Variants in SVBP observed in about 807,000 individuals in gnomAD.
SVBP encodes small vasohibin-binding protein.
SVBP carries 9 observed loss-of-function variants against 9.2 expected under a neutral mutation model. The observed-to-expected ratio is 0.98, with a 90% CI of 0.59 to 1.71. The LOEUF is 1.71. Ranked by LOEUF, SVBP falls within the 40% of genes most tolerant of loss-of-function variation. The probability of loss-of-function intolerance (pLI) is 0.00; values close to 1 mark genes in which losing one functional copy is unlikely to be tolerated. For missense variants in SVBP, 63 were observed against 73.2 expected, an observed-to-expected ratio of 0.86 and a Z score of 0.51; for synonymous variants, 27 against 23.9, an observed-to-expected ratio of 1.13 and a Z score of -0.37.
At position 42,807,193 on chromosome 1, in the gene SVBP, A is replaced by C; in HGVS notation, c.*221T>G. Reference sequence around the variant, plus strand: ...TTAAAAAAACCCAAAAAACAAAACCACTGTCTTAGAAGAAGAAAACAAGTC... The same window carrying C: ...TTAAAAAAACCCAAAAAACAAAACCCCTGTCTTAGAAGAAGAAAACAAGTC... On this transcript the variant is annotated 3_prime_UTR_variant, in exon 3 of 3. Transcript: ENST00000372521. 5.7e-6 allele frequency: 2 copies of C among 352,766 alleles called. No individual in the cohort carries two copies. Among genetic ancestry groups the C allele is most frequent in the Non-Finnish European group, 5.0e-6 (1 of 199,124 alleles). The allele number at this position is 352,766 out of a possible 1,614,324, so 21.9% of individuals were successfully genotyped here.
At chr1:42,810,688 G>A (rs999043493) in intron 2 of SVBP, among the ~76,000 whole-genome samples, 2 of 152,006 alleles carry the variant, frequency 1.3e-5, no homozygotes, top group African/African-American at 4.8e-5. Context: ...AGTGTCAAAC[G>A]GTGCTTCCAC....
At chr1:42,810,094 TAACACA>T (rs1334758957) in intron 2 of SVBP, among the ~76,000 whole-genome samples, 1 of 97,086 alleles carries the variant, frequency 1.0e-5, no homozygotes, top group Non-Finnish European at 2.2e-5. Flanking sequence ...AATATACTTT[TAACACA>T]CACACACACA....
chr1:42,810,259 T>C (rs1338805937), intron 2 of SVBP, among the ~76,000 whole-genome samples: 1 of 152,100 alleles, frequency 6.6e-6, no homozygotes. Context: ...GCAATTCCCT[T>C]GCCTCAGCCT....
At chr1:42,815,224 G>C (rs1312227658) in intron 2 of SVBP, among the ~76,000 whole-genome samples, 4 of 118,260 alleles carry the variant, frequency 3.4e-5, no homozygotes, top group Non-Finnish European at 6.7e-5. Flanking sequence ...GTTGTGGGGT[G>C]GGGGGAGGGG....
intron 2 of SVBP, among the ~76,000 whole-genome samples, chr1:42,809,414 A>G (rs954533931): frequency 6.6e-6 from 1 of 152,186 alleles, no homozygotes. Context: ...AGACTGCCAG[A>G]TGGTTCCTTG....
intron 2 of SVBP, among the ~76,000 whole-genome samples, chr1:42,808,770 C>A (rs1327205226): frequency 6.6e-6 from 1 of 151,962 alleles, no homozygotes; most frequent in Non-Finnish European, 1.5e-5. Context: ...GATCTCAGCT[C>A]ACTGCAACCT....
Position 42,807,386 on chromosome 1 carries a change from G to C in SVBP, c.*28C>G. On this transcript the variant is annotated 3_prime_UTR_variant, in exon 3 of 3. Coordinates refer to ENST00000372521, the MANE Select transcript of SVBP (RefSeq NM_199342.4). ...TGGCAACACCCTCTCAAAGCTCTCA[G>C]GATCCCATCTGGTTTGAACCTGGGG... The C allele has an allele frequency of 6.4e-7, 1 of 1,573,724 alleles. No homozygotes were observed. The highest frequency in any genetic ancestry group is 8.7e-7 in the Non-Finnish European group (1 of 1,143,732).
At chr1:42,807,916 G>T (rs1557597248) in intron 2 of SVBP, among the ~76,000 whole-genome samples, 1 of 151,844 alleles carries the variant, frequency 6.6e-6, no homozygotes. Flanking sequence ...GGTGGGGGAG[G>T]CTTTATGTGT....
intron 2 of SVBP, among the ~76,000 whole-genome samples, chr1:42,808,376 T>C (rs1029594466): frequency 2.8e-5 from 4 of 144,614 alleles, no homozygotes; most frequent in Middle Eastern, 7.2e-3. Flanking sequence ...ATATACTATA[T>C]AGTATATATA....
In SVBP at chr1:42,807,279, C is replaced by A. The variant is rs949738111; in HGVS notation, c.*135G>T. 23 of 558,588 alleles carry A rather than the reference C, an allele frequency of 4.1e-5. No homozygotes were observed. Among genetic ancestry groups the A allele is most frequent in the Admixed American group, 2.0e-4 (7 of 34,568 alleles). 34.6% of individuals were successfully genotyped at this position (558,588 alleles called of 1,614,324 possible). On this transcript the variant is annotated 3_prime_UTR_variant, in exon 3 of 3. Transcript: ENST00000372521. ...AACCAGTGAAGTTAGAAGTTACACA[C>A]AGGAAGTGAGTTCAGATTTATCCAC...
chr1:42,813,903 G>A, intron 2 of SVBP: 1 of 222,226 alleles, frequency 4.5e-6, no homozygotes, highest in Non-Finnish European at 9.3e-6. Context: ...CAGGGGGTCT[G>A]CCTTAACCCA....
At chr1:42,815,295 C>A (rs1654174304) in intron 2 of SVBP, among the ~76,000 whole-genome samples, 1 of 149,852 alleles carries the variant, frequency 6.7e-6, no homozygotes, top group Non-Finnish European at 1.5e-5. Context: ...TGCAGCACAC[C>A]AACATGGCAC....
intron 1 of SVBP, 125 bp downstream of exon 1, chr1:42,817,065 G>GC (rs1356648517): frequency 2.2e-4 from 35 of 162,092 alleles, no homozygotes; most frequent in Non-Finnish European, 2.9e-4. Flanking sequence ...CCACCGCCCG[G>GC]CCCCCCGACC....
intron 2 of SVBP, among the ~76,000 whole-genome samples, chr1:42,814,891 C>A (rs918241483): frequency 1.3e-5 from 2 of 151,760 alleles, no homozygotes; most frequent in Non-Finnish European, 2.9e-5. Flanking sequence ...GGATTATAAA[C>A]CATGCTGCTA....
intron 2 of SVBP, among the ~76,000 whole-genome samples, chr1:42,808,143 G>GATA (rs1654001496): frequency 2.2e-5 from 1 of 44,656 alleles, no homozygotes; most frequent in Non-Finnish European, 4.1e-5. Flanking sequence ...TAGTGTGTGT[G>GATA]TGTGTGTATA....
At chr1:42,813,288 T>C (rs375609832) in intron 2 of SVBP, 1 of 285,182 alleles carries the variant, frequency 3.5e-6, no homozygotes, top group Non-Finnish European at 7.1e-6. Flanking sequence ...TGCTCTTTTA[T>C]AGCATGAAAG....
intron 2 of SVBP, among the ~76,000 whole-genome samples, chr1:42,812,735 C>G (rs760975684): frequency 1.3e-5 from 2 of 151,978 alleles, no homozygotes; most frequent in Non-Finnish European, 2.9e-5. Flanking sequence ...ATTTTAAAAC[C>G]TTTTAGTATG....
At chr1:42,814,458 A>G (rs750404899) in intron 2 of SVBP, among the ~76,000 whole-genome samples, 1 of 151,922 alleles carries the variant, frequency 6.6e-6, no homozygotes, top group Non-Finnish European at 1.5e-5. Flanking sequence ...CTATAATCCC[A>G]GCACTTTGGG....
At chr1:42,807,628 T>G in intron 2 of SVBP, 128 bp from the exon 3 acceptor site, 1 of 673,126 alleles carries the variant, frequency 1.5e-6, no homozygotes, top group Non-Finnish European at 2.6e-6. Flanking sequence ...GGGACAGTGC[T>G]CTGGGAATAG....
Sources: gnomAD v4.1 joint callset for allele counts (sites outside exome capture counted in the v4.1 genomes callset) on GRCh38, gnomAD v4.1.1 for gene constraint, MANE v1.5 for transcripts, NCBI Gene and HGNC (gene_info 2026-07-23, HGNC 2026-07-21) for gene names.